COL6A5: variants seen among roughly 807,000 people sequenced by gnomAD.
COL6A5 encodes the protein collagen alpha-5(VI) chain.
COL6A5 carries 48 observed loss-of-function variants against 65.6 expected under a neutral mutation model. The observed-to-expected ratio is 0.73, with a 90% CI of 0.58 to 0.93. The LOEUF (loss-of-function observed/expected upper bound fraction) is 0.93, where lower values mean the gene tolerates loss of function less well. COL6A5 is among the 40% of genes least tolerant of loss of function. The pLI, the probability that COL6A5 is intolerant of heterozygous loss-of-function variation, is 0.00. For missense variants in COL6A5, 914 were observed against 928.3 expected, an observed-to-expected ratio of 0.98 and a Z score of 0.20; for synonymous variants, 291 against 322.8, an observed-to-expected ratio of 0.90 and a Z score of 1.05.
chr3:130,450,366 G>C (rs978004666), intron 4 of COL6A5, among the ~76,000 whole-genome samples: 9 of 152,136 alleles, frequency 5.9e-5, no homozygotes, highest in African/African-American at 2.2e-4. Context: ...CATGTGTGTT[G>C]AGCCGGCTTG....
At chr3:130,466,703 A>G (rs1326610481) in intron 5 of COL6A5, among the ~76,000 whole-genome samples, 1 of 152,002 alleles carries the variant, frequency 6.6e-6, no homozygotes, top group Non-Finnish European at 1.5e-5. Context: ...GATCAATAAA[A>G]TTGATAAATG....
intron 1 of COL6A5, among the ~76,000 whole-genome samples, chr3:130,353,722 T>TG (rs1005498919): frequency 9.8e-5 from 4 of 40,676 alleles, no homozygotes; most frequent in South Asian, 1.0e-3. Context: ...GTAAAATTTC[T>TG]GAAAAAAAAA....
chr3:130,351,407 C>G (rs144765193), intron 1 of COL6A5, among the ~76,000 whole-genome samples: 1 of 152,260 alleles, frequency 6.6e-6, no homozygotes, highest in South Asian at 2.1e-4. Flanking sequence ...TTTTTGCAAT[C>G]TACCCATCTG....
At chr3:130,368,664 A>C (rs927444803) in intron 1 of COL6A5, among the ~76,000 whole-genome samples, 1 of 152,114 alleles carries the variant, frequency 6.6e-6, no homozygotes, top group Non-Finnish European at 1.5e-5. Context: ...GGGTCTTGGC[A>C]GTCCAGGTGG....
At chr3:130,349,565 T>C (rs940251549) in intron 1 of COL6A5, among the ~76,000 whole-genome samples, 2 of 152,186 alleles carry the variant, frequency 1.3e-5, no homozygotes, top group Non-Finnish European at 2.9e-5. Context: ...AAGTAAATCA[T>C]AATGTAATAA....
At chr3:130,363,445 T>A (rs762304918) in intron 1 of COL6A5, among the ~76,000 whole-genome samples, 2 of 152,202 alleles carry the variant, frequency 1.3e-5, no homozygotes, top group African/African-American at 2.4e-5. Context: ...ACTTTACAAA[T>A]GCCTCTCATC....
chr3:130,434,053 G>A (rs1937936259), intron 1 of COL6A5, among the ~76,000 whole-genome samples: 3 of 151,538 alleles, frequency 2.0e-5, no homozygotes, highest in African/African-American at 7.3e-5. Context: ...GTGGTTTGCT[G>A]CACATATTGA....
At chr3:130,424,511 A>C (rs1185780510) in intron 29 of COL6A5, among the ~76,000 whole-genome samples, 1 of 152,084 alleles carries the variant, frequency 6.6e-6, no homozygotes, top group African/African-American at 2.4e-5. Flanking sequence ...GTCAGGTGAG[A>C]ATTAAATATT....
chr3:130,400,794 A>G (rs1936788227), intron 10 of COL6A5, among the ~76,000 whole-genome samples: 1 of 152,184 alleles, frequency 6.6e-6, no homozygotes, highest in African/African-American at 2.4e-5. Flanking sequence ...TCTCTTGAAT[A>G]CTTTTTATCA....
intron 7 of COL6A5, 31 bp downstream of exon 7, chr3:130,391,785 G>T (rs1337667910): frequency 6.8e-7 from 1 of 1,471,410 alleles, no homozygotes; most frequent in South Asian, 1.3e-5. Flanking sequence ...TTTCTATGGG[G>T]GTAGCAATAA....
chr3:130,349,833 T>C (rs774767117), intron 1 of COL6A5, among the ~76,000 whole-genome samples: 5 of 152,194 alleles, frequency 3.3e-5, no homozygotes, highest in Admixed American at 6.5e-5. Context: ...ATTCCTTATG[T>C]AAAATAAGTC....
At chr3:130,373,928 A>G (rs894312729) in intron 2 of COL6A5, among the ~76,000 whole-genome samples, 4 of 152,182 alleles carry the variant, frequency 2.6e-5, no homozygotes, top group African/African-American at 7.2e-5. Context: ...TTAATTATCC[A>G]TTAATTTGCT....
chr3:130,442,557 C>T (rs1709210317), intron 3 of COL6A5, among the ~76,000 whole-genome samples: 1 of 152,146 alleles, frequency 6.6e-6, no homozygotes, highest in African/African-American at 2.4e-5. Context: ...CGCTGCCTTC[C>T]CACAACCACT....
At chr3:130,452,339 T>A (rs1709462351) in intron 4 of COL6A5, among the ~76,000 whole-genome samples, 1 of 55,230 alleles carries the variant, frequency 1.8e-5, no homozygotes, top group African/African-American at 3.6e-5. Context: ...TCGGGCAAAA[T>A]TCACCCCTGA....
chr3:130,427,562 G>T (rs1316426559), upstream of COL6A5, among the ~76,000 whole-genome samples: 1 of 152,090 alleles, frequency 6.6e-6, no homozygotes, highest in African/African-American at 2.4e-5. Flanking sequence ...TATTTTAGGG[G>T]TAGAGGAATC....
rs116281207 is a variant in COL6A5 at position 130,385,339 on chromosome 3, C to T, written c.1836C>T (p.Val612=). The change falls in exon 5 of 42, where the codon GTC becomes GTT. Residue 612 remains valine, a synonymous_variant and NMD_transcript_variant. Transcript: ENST00000312481. ...CTTTGAAAAGCATAAAAAATGAAGT[C>T]GTTCGTGAAATCTGCGCTGAAAAAG... The T allele has an allele frequency of 7.5e-4, 1,158 of 1,550,012 alleles. 10 individuals carry two copies. The African/African-American group carries it at 0.014, about 19-fold the overall frequency.
chr3:130,484,226 AT>A, exon 8 of COL6A5: 1 of 591,008 alleles, frequency 1.7e-6, no homozygotes, highest in Non-Finnish European at 2.9e-6. Context: ...GAGGAGAAGA[AT>A]TTTCGGAGTG....
At chr3:130,399,350 C>T (rs1464630427) in intron 10 of COL6A5, among the ~76,000 whole-genome samples, 3 of 151,404 alleles carry the variant, frequency 2.0e-5, no homozygotes, top group African/African-American at 7.3e-5. Flanking sequence ...CTTGCCATTT[C>T]AGCCTTAACT....
chr3:130,434,517 C>T (rs1937960942), intron 1 of COL6A5, among the ~76,000 whole-genome samples: 1 of 152,186 alleles, frequency 6.6e-6, no homozygotes, highest in South Asian at 2.1e-4. Flanking sequence ...GTCATGCTGT[C>T]TTTCACAATG....
Sources: allele counts gnomAD v4.1 joint callset (sites outside exome capture counted in the v4.1 genomes callset), GRCh38; gene constraint gnomAD v4.1.1; transcripts MANE v1.5; gene names NCBI Gene and HGNC (gene_info 2026-07-23, HGNC 2026-07-21).